Variants in ELOVL7 observed in about 807,000 individuals in gnomAD.
The protein encoded by ELOVL7 is very long chain fatty acid elongase 7.
A neutral mutation model predicts 35.7 loss-of-function variants in ELOVL7; 27 were observed. That is an observed-to-expected ratio of 0.76 (90% CI 0.56 to 1.04). The LOEUF (loss-of-function observed/expected upper bound fraction) is 1.04, where lower values mean the gene tolerates loss of function less well. Among genes scored for constraint, ELOVL7 ranks in the 50% least tolerant of loss-of-function variants. The probability of loss-of-function intolerance (pLI) is 0.00; values close to 1 mark genes in which losing one functional copy is unlikely to be tolerated. For missense variants in ELOVL7, 327 were observed against 340.8 expected, an observed-to-expected ratio of 0.96 and a Z score of 0.32; for synonymous variants, 113 against 114.6, an observed-to-expected ratio of 0.99 and a Z score of 0.09.
intron 3 of ELOVL7, among the ~76,000 whole-genome samples, chr5:60,776,882 A>G (rs1742935979): frequency 2.6e-5 from 4 of 152,242 alleles, no homozygotes; most frequent in Admixed American, 2.6e-4. Context: ...AAATTTTAAA[A>G]ACAGGTAGTG....
intron 1 of ELOVL7, among the ~76,000 whole-genome samples, chr5:60,815,935 T>C (rs1487211218): frequency 6.6e-6 from 1 of 152,212 alleles, no homozygotes; most frequent in Admixed American, 6.5e-5. Context: ...ATCTGAGGCA[T>C]GTCCTGGAAT....
intron 2 of ELOVL7, among the ~76,000 whole-genome samples, chr5:60,788,204 A>G (rs1311523460): frequency 6.6e-6 from 1 of 152,228 alleles, no homozygotes. Context: ...AGTAACTAAA[A>G]TATACCTAAG....
At chr5:60,773,365 A>G (rs1742714724) in intron 3 of ELOVL7, among the ~76,000 whole-genome samples, 1 of 152,208 alleles carries the variant, frequency 6.6e-6, no homozygotes, top group African/African-American at 2.4e-5. Flanking sequence ...GTGGCCAAGC[A>G]CTGACAAATT....
chr5:60,796,238 TTA>T (rs376141515), intron 2 of ELOVL7, among the ~76,000 whole-genome samples: 205 of 152,334 alleles, frequency 1.3e-3, no homozygotes, highest in African/African-American at 4.9e-3. Context: ...TCCCCATCCT[TTA>T]TACTTTAGCA....
intron 2 of ELOVL7, among the ~76,000 whole-genome samples, chr5:60,795,138 T>C (rs1044304930): frequency 6.6e-6 from 1 of 152,134 alleles, no homozygotes; most frequent in Non-Finnish European, 1.5e-5. Flanking sequence ...TAACTGTGAC[T>C]GATTAGATAG....
chr5:60,790,696 G>A (rs1412707549), intron 2 of ELOVL7, among the ~76,000 whole-genome samples: 1 of 152,096 alleles, frequency 6.6e-6, no homozygotes, highest in Non-Finnish European at 1.5e-5. Context: ...GTTGTGAGCA[G>A]GGGCTCTCGG....
chr5:60,760,087 C>T (rs534939390), intron 7 of ELOVL7, among the ~76,000 whole-genome samples: 94 of 152,192 alleles, frequency 6.2e-4, no homozygotes, highest in Middle Eastern at 6.8e-3. Context: ...TGAATAGTGC[C>T]GCAATAAACA....
At chr5:60,830,189 G>A (rs1746399478) in intron 1 of ELOVL7, among the ~76,000 whole-genome samples, 1 of 152,076 alleles carries the variant, frequency 6.6e-6, no homozygotes. Flanking sequence ...ACAAATATTT[G>A]GCACCTGCTA....
At chr5:60,759,132 G>A (rs1741725076) in intron 7 of ELOVL7, among the ~76,000 whole-genome samples, 1 of 152,092 alleles carries the variant, frequency 6.6e-6, no homozygotes, top group South Asian at 2.1e-4. Flanking sequence ...AAAATAACCT[G>A]TTTTAAATAA....
At chr5:60,817,679 C>CACACACAACATATATAT (rs1745599316) in intron 1 of ELOVL7, among the ~76,000 whole-genome samples, 1 of 141,428 alleles carries the variant, frequency 7.1e-6, no homozygotes, top group African/African-American at 2.6e-5. Flanking sequence ...CACATATATA[C>CACACACAACATATATAT]ACACACACCA....
At chr5:60,759,899 T>C (rs1284606940) in intron 7 of ELOVL7, among the ~76,000 whole-genome samples, 2 of 152,150 alleles carry the variant, frequency 1.3e-5, no homozygotes, top group Non-Finnish European at 2.9e-5. Flanking sequence ...TTTGGTTTTT[T>C]GTTCTTGCAA....
chr5:60,812,844 G>C (rs10062465), intron 1 of ELOVL7, among the ~76,000 whole-genome samples: 26,620 of 152,078 alleles, frequency 0.18, 3,929 homozygotes, highest in African/African-American at 0.4. Context: ...CTGGCCTCAA[G>C]CCTTTCCATC....
At chr5:60,770,742 T>G (rs1470163423) in intron 4 of ELOVL7, among the ~76,000 whole-genome samples, 2 of 152,174 alleles carry the variant, frequency 1.3e-5, no homozygotes, top group African/African-American at 4.8e-5. Flanking sequence ...AGACAGGGTC[T>G]TGCTCCGTCA....
At chr5:60,800,670 T>C (rs4482855) in intron 1 of ELOVL7, among the ~76,000 whole-genome samples, 87,922 of 152,030 alleles carry the variant, frequency 0.58, 26,159 homozygotes, top group East Asian at 0.89. Flanking sequence ...CAAGATAAGG[T>C]CTCATTCTGA....
At chr5:60,838,056 CAG>C (rs1286154597) in intron 1 of ELOVL7, among the ~76,000 whole-genome samples, 2 of 152,184 alleles carry the variant, frequency 1.3e-5, no homozygotes, top group East Asian at 1.9e-4. Flanking sequence ...TGGCAAGCGC[CAG>C]AGAGATTCAA....
chr5:60,800,347 T>C (rs570053675), intron 1 of ELOVL7, among the ~76,000 whole-genome samples: 3 of 152,168 alleles, frequency 2.0e-5, no homozygotes, highest in Non-Finnish European at 4.4e-5. Flanking sequence ...TCAATAAATG[T>C]GATATACCAC....
intron 1 of ELOVL7, among the ~76,000 whole-genome samples, chr5:60,803,245 C>T (rs191301708): frequency 6.6e-6 from 1 of 152,290 alleles, no homozygotes; most frequent in African/African-American, 2.4e-5. Context: ...CAAGGGGAAG[C>T]ACATGACCTC....
At chr5:60,808,908 A>G (rs1460371297) in intron 1 of ELOVL7, among the ~76,000 whole-genome samples, 1 of 152,234 alleles carries the variant, frequency 6.6e-6, no homozygotes, top group Non-Finnish European at 1.5e-5. Context: ...AATTCTGGAG[A>G]AAGCTAAACT....
intron 1 of ELOVL7, among the ~76,000 whole-genome samples, chr5:60,828,044 C>T (rs1202343998): frequency 1.3e-5 from 2 of 152,078 alleles, no homozygotes; most frequent in African/African-American, 4.8e-5. Context: ...AACAGTGTGT[C>T]GAGGCAGCAA....
Sources: allele counts gnomAD v4.1 joint callset (sites outside exome capture counted in the v4.1 genomes callset), GRCh38; gene constraint gnomAD v4.1.1; transcripts MANE v1.5; gene names NCBI Gene and HGNC (gene_info 2026-07-23, HGNC 2026-07-21).